The following SEPTIN6 variants were observed in gnomAD, a reference collection of about 807,000 sequenced individuals.
SEPTIN6 encodes the protein septin 6.
Under a neutral mutation model 33.6 loss-of-function variants are expected in SEPTIN6, and 8 were observed. The observed-to-expected ratio is 0.24, with a 90% CI of 0.14 to 0.43. The LOEUF (loss-of-function observed/expected upper bound fraction) is 0.43, where lower values mean the gene tolerates loss of function less well. Ranked by LOEUF, SEPTIN6 falls within the 20% of genes least tolerant of loss-of-function variation. SEPTIN6 has a pLI of 1.00. For synonymous variants in SEPTIN6, 131 were observed against 140.0 expected (o/e 0.94, Z 0.45); for missense variants, 250 against 340.8 (o/e 0.73, Z 2.10).
chrX:119,618,827 T>A lies in SEPTIN6; in HGVS notation c.*1266A>T. ...AGAGAGACGGCATGTTAGCCACAGA[T>A]CATTGCCAGGTCAACTCCATCTCTC... On this transcript the variant is annotated 3_prime_UTR_variant, in exon 11 of 11. Coordinates refer to ENST00000394610, the MANE Select transcript of SEPTIN6 (RefSeq NM_145799.4). 8.3e-7 allele frequency: 1 copy of A among 1,208,499 alleles called. No individual in the cohort carries two copies.
intron 10 of SEPTIN6, among the ~76,000 whole-genome samples, chrX:119,620,319 CTTT>C (rs11374271): frequency 5.2e-5 from 5 of 95,875 alleles, no homozygotes; most frequent in Admixed American, 1.1e-4. Context: ...ATCTTTCTTT[CTTT>C]TTTTTTTTTT....
At chrX:119,656,274 A>C (rs751063820) in intron 3 of SEPTIN6, among the ~76,000 whole-genome samples, 21 of 112,203 alleles carry the variant, frequency 1.9e-4, no homozygotes, top group Non-Finnish European at 3.8e-4. Flanking sequence ...AAGATACTCC[A>C]ATAGGATAAT....
At chrX:119,640,645 G>A (rs866507145) in intron 6 of SEPTIN6, 47 bp downstream of exon 6, 1 of 1,018,962 alleles carries the variant, frequency 9.8e-7, no homozygotes, top group Non-Finnish European at 1.4e-6. Flanking sequence ...CAAAGAGACA[G>A]ACAAAAGGGG....
At chrX:119,637,654 T>TAACC (rs766156853) in intron 6 of SEPTIN6, among the ~76,000 whole-genome samples, 1 of 91,859 alleles carries the variant, frequency 1.1e-5, no homozygotes, top group Non-Finnish European at 2.2e-5. Context: ...TCCATCTATC[T>TAACC]ATCCATCCAT....
At chrX:119,630,095 G>T (rs957658959) in intron 8 of SEPTIN6, among the ~76,000 whole-genome samples, 9 of 111,975 alleles carry the variant, frequency 8.0e-5, no homozygotes, top group Admixed American at 2.8e-4. Flanking sequence ...ACTCCAGCCT[G>T]GGCAACAGAG....
Position 119,617,028 on chromosome X carries a change from A to G in SEPTIN6, c.*3065T>C. The stretch of plus-strand genomic sequence containing the variant: ...CAAATGATTAAAACAAAAAAACAAA[A>G]ACAAGAGCCATCTACACTGCAGCTA... On this transcript the variant is annotated 3_prime_UTR_variant, in exon 11 of 11. Coordinates refer to ENST00000394610, the MANE Select transcript of SEPTIN6 (RefSeq NM_145799.4). 1.1e-6 allele frequency: 1 copy of G among 934,410 alleles called. No individual in the cohort carries two copies. The highest frequency in any genetic ancestry group is 1.3e-6 in the Non-Finnish European group (1 of 750,237). 77.0% of individuals were successfully genotyped at this position (934,410 alleles called of 1,213,427 possible).
At chrX:119,627,437 A>C (rs2053872423) in intron 9 of SEPTIN6, among the ~76,000 whole-genome samples, 1 of 111,025 alleles carries the variant, frequency 9.0e-6, no homozygotes, top group Admixed American at 9.7e-5. Flanking sequence ...CACTGTTCTA[A>C]TACCAGGGGA....
At chrX:119,658,090 G>A (rs776612694) in intron 3 of SEPTIN6, among the ~76,000 whole-genome samples, 26 of 112,046 alleles carry the variant, frequency 2.3e-4, no homozygotes, top group Non-Finnish European at 4.3e-4. Context: ...TAGCGCCACT[G>A]CACTCCCGTC....
chrX:119,646,065 C>T (rs1361119565), intron 5 of SEPTIN6, among the ~76,000 whole-genome samples: 1 of 111,948 alleles, frequency 8.9e-6, no homozygotes, highest in Non-Finnish European at 1.9e-5. Flanking sequence ...ACTCTTTATT[C>T]CTCATCTAAT....
intron 3 of SEPTIN6, among the ~76,000 whole-genome samples, chrX:119,654,011 G>A (rs1025937241): frequency 9.0e-6 from 1 of 111,567 alleles, no homozygotes; most frequent in Non-Finnish European, 1.9e-5. Context: ...AGAGGTTGCA[G>A]TGAGTGGAGA....
rs563571754 is a variant in SEPTIN6, at chrX:119,656,852, C to A, written c.342-3812G>T. 2.0e-4 allele frequency among the ~76,000 whole-genome samples: 22 copies of A among 110,016 alleles called. No individual in the cohort carries two copies. The South Asian group carries it at 4.7e-3, about 23-fold the overall frequency. On this transcript the variant is annotated intron_variant, in intron 3 of 10. Transcript: ENST00000394610. ...GGTGAGCCAAGATTGAGGCACTGCA[C>A]TCCAGCCTGGGCGACAGAGTGAGAC...
At chrX:119,670,188 G>A (rs2054716856) in intron 2 of SEPTIN6, among the ~76,000 whole-genome samples, 1 of 111,199 alleles carries the variant, frequency 9.0e-6, no homozygotes, top group Non-Finnish European at 1.9e-5. Flanking sequence ...TCACCTCTTC[G>A]GTAATTATGG....
chrX:119,682,980 C>T (rs765276248), intron 1 of SEPTIN6, among the ~76,000 whole-genome samples: 5 of 112,624 alleles, frequency 4.4e-5, no homozygotes, highest in Non-Finnish European at 9.4e-5. Context: ...CGGCCAGGTA[C>T]GGTGGCTCAT....
At chrX:119,640,567 G>C (rs2054142719) in intron 6 of SEPTIN6, 125 bp downstream of exon 6, 1 of 539,229 alleles carries the variant, frequency 1.9e-6, no homozygotes, top group Admixed American at 3.2e-5. Context: ...TGGCTATTTG[G>C]GACCCATGCC....
At chrX:119,628,831 G>A (rs1376197439) in intron 9 of SEPTIN6, 1 of 103,062 alleles carries the variant, frequency 9.7e-6, no homozygotes, top group Non-Finnish European at 2.0e-5. Flanking sequence ...TTTTTTTTAA[G>A]CAGAGACGGG....
chrX:119,679,934 T>G (rs2054920626), intron 1 of SEPTIN6, among the ~76,000 whole-genome samples: 1 of 111,166 alleles, frequency 9.0e-6, no homozygotes, highest in Non-Finnish European at 1.9e-5. Context: ...GAGAGAACAA[T>G]CGCAAGGGTC....
chrX:119,631,098 G>A (rs1335869276), intron 8 of SEPTIN6, among the ~76,000 whole-genome samples: 1 of 110,803 alleles, frequency 9.0e-6, no homozygotes, highest in Non-Finnish European at 1.9e-5. Flanking sequence ...TTAGTTCTCC[G>A]GGTCCTGGGG....
rs1343260279 is a variant in SEPTIN6 at position 119,617,703 on chromosome X, A to ATGAAAATTAGTCTGGCT, written c.*2373_*2389dup. The ATGAAAATTAGTCTGGCT allele has an allele frequency of 1.3e-6, 1 of 794,519 alleles. No individual in the cohort carries two copies. Among genetic ancestry groups the ATGAAAATTAGTCTGGCT allele is most frequent in the Non-Finnish European group, 1.5e-6 (1 of 660,831 alleles). 65.5% of individuals were successfully genotyped at this position (794,519 alleles called of 1,213,427 possible). A position where few individuals can be genotyped will look rare whatever the true frequency, so the allele number is the denominator to read the frequency against. ...TGAAACTGATTGGGAGTCAGGAGGC[A>ATGAAAATTAGTCTGGCT]TGAAAATTAGTCTGGCTTCTGCCTC... is the stretch of plus-strand genomic sequence containing the variant. On this transcript the variant is annotated 3_prime_UTR_variant, in exon 11 of 11. Transcript: ENST00000394610.
At chrX:119,678,095 C>T (rs1436043377) in intron 1 of SEPTIN6, among the ~76,000 whole-genome samples, 1 of 111,013 alleles carries the variant, frequency 9.0e-6, no homozygotes, top group Non-Finnish European at 1.9e-5. Flanking sequence ...AAAAATGAGC[C>T]GGGCATGGTG....
Sources: gnomAD v4.1 joint callset for allele counts (sites outside exome capture counted in the v4.1 genomes callset) on GRCh38, gnomAD v4.1.1 for gene constraint, MANE v1.5 for transcripts, NCBI Gene and HGNC (gene_info 2026-07-23, HGNC 2026-07-21) for gene names.